Variants in DOCK8 observed in about 807,000 individuals in gnomAD.
DOCK8 encodes the protein dedicator of cytokinesis 8.
Under a neutral mutation model 245.6 loss-of-function variants are expected in DOCK8, and 141 were observed. The observed-to-expected ratio is 0.57, with a 90% confidence interval of 0.50 to 0.66. DOCK8 has a LOEUF of 0.66. Ranked by LOEUF, DOCK8 falls within the 30% of genes least tolerant of loss-of-function variation. The pLI is 0.00. For missense variants in DOCK8, 2,965 were observed against 2,603.4 expected, an observed-to-expected ratio of 1.14 and a Z score of -3.02; for synonymous variants, 1,168 against 970.2, an observed-to-expected ratio of 1.20 and a Z score of -3.79.
chr9:250,598 A>G (rs995738044), intron 1 of DOCK8, among the ~76,000 whole-genome samples: 1 of 152,164 alleles, frequency 6.6e-6, no homozygotes, highest in Non-Finnish European at 1.5e-5. Flanking sequence ...AACCTTCCAC[A>G]CTCAATTCCA....
At chr9:401,060 ATTG>A (rs1331990692) in intron 26 of DOCK8, among the ~76,000 whole-genome samples, 53 of 63,492 alleles carry the variant, frequency 8.3e-4, no homozygotes, top group Non-Finnish European at 1.1e-3. Context: ...CACCATCATC[ATTG>A]TCACCATCAT....
chr9:229,519 G>A (rs955372938), intron 1 of DOCK8, among the ~76,000 whole-genome samples: 1 of 152,174 alleles, frequency 6.6e-6, no homozygotes, highest in Non-Finnish European at 1.5e-5. Flanking sequence ...TAAAGCAGCG[G>A]TTTGAGAGTA....
chr9:401,832 CTAAGGGAAGTCCTGA>C (rs929129319), intron 26 of DOCK8, among the ~76,000 whole-genome samples: 2 of 152,146 alleles, frequency 1.3e-5, no homozygotes, highest in Non-Finnish European at 2.9e-5. Flanking sequence ...GCAGTCTCAT[CTAAGGGAAGTCCTGA>C]TAAGGAAGCA....
chr9:337,397 G>C (rs1016263011), intron 12 of DOCK8, among the ~76,000 whole-genome samples: 1 of 152,174 alleles, frequency 6.6e-6, no homozygotes, highest in African/African-American at 2.4e-5. Context: ...CTGAGAGAAG[G>C]GTTAGGTTTT....
intron 1 of DOCK8, among the ~76,000 whole-genome samples, chr9:225,672 A>G (rs898052860): frequency 6.6e-6 from 1 of 152,236 alleles, no homozygotes; most frequent in African/African-American, 2.4e-5. Flanking sequence ...TATTCTAAAA[A>G]AAGTAATATA....
rs115790888 is a variant in DOCK8 at position 405,849 on chromosome 9, G to T, written c.3390+776G>T. Among the ~76,000 whole-genome samples the T allele has an allele frequency of 8.6e-3, 1,307 of 152,306 alleles. 26 individuals are homozygous for T. The highest frequency in any genetic ancestry group is 0.029 in the African/African-American group (1,195 of 41,558). On this transcript the variant is annotated intron_variant, in intron 27 of 47. Transcript: ENST00000432829. ...CTACATGACCATCTTACTGTGAACA[G>T]GGAAAGATCTGACTCACAAGCAGCA...
At chr9:385,645 T>C (rs537993598) in intron 22 of DOCK8, among the ~76,000 whole-genome samples, 80 of 152,270 alleles carry the variant, frequency 5.3e-4, no homozygotes, top group Non-Finnish European at 8.1e-4. Context: ...GGCACAAAAA[T>C]TGGCAAATGC....
At chr9:260,605 A>G (rs1006113814) in intron 1 of DOCK8, among the ~76,000 whole-genome samples, 2 of 152,222 alleles carry the variant, frequency 1.3e-5, no homozygotes, top group Non-Finnish European at 2.9e-5. Context: ...ATATTTATAC[A>G]TGTATGAGTT....
intron 1 of DOCK8, among the ~76,000 whole-genome samples, chr9:247,143 C>T (rs566761674): frequency 1.3e-5 from 2 of 152,248 alleles, no homozygotes; most frequent in Non-Finnish European, 2.9e-5. Flanking sequence ...AAACATTTAC[C>T]ACTTACAGCT....
intron 22 of DOCK8, among the ~76,000 whole-genome samples, chr9:383,023 G>T (rs147977787): frequency 2.6e-5 from 4 of 152,024 alleles, no homozygotes; most frequent in African/African-American, 7.3e-5. Context: ...TACCTGGAAA[G>T]GTTGCCTTTA....
At chr9:333,326 G>T (rs1467082690) in intron 10 of DOCK8, among the ~76,000 whole-genome samples, 1 of 152,236 alleles carries the variant, frequency 6.6e-6, no homozygotes, top group African/African-American at 2.4e-5. Flanking sequence ...CCTTGGCCGG[G>T]CGTGGTGGCT....
intron 10 of DOCK8, among the ~76,000 whole-genome samples, chr9:333,885 C>G (rs2051174439): frequency 6.6e-6 from 1 of 152,116 alleles, no homozygotes; most frequent in African/African-American, 2.4e-5. Context: ...TTTCAAGATT[C>G]TTTTATGCAA....
chr9:426,038 C>T (rs2056487215), intron 33 of DOCK8, among the ~76,000 whole-genome samples: 1 of 152,122 alleles, frequency 6.6e-6, no homozygotes, highest in Non-Finnish European at 1.5e-5. Context: ...CCCATGGTAA[C>T]ATCTTGGCTA....
At chr9:349,162 G>C (rs1215755547) in intron 14 of DOCK8, among the ~76,000 whole-genome samples, 2 of 152,210 alleles carry the variant, frequency 1.3e-5, no homozygotes, top group East Asian at 3.8e-4. Flanking sequence ...AAACAGAGCT[G>C]TGAGTAGTTG....
chr9:355,215 TTTTTTTTGAGACA>T (rs2052374677), intron 14 of DOCK8, among the ~76,000 whole-genome samples: 1 of 143,946 alleles, frequency 6.9e-6, no homozygotes, highest in Non-Finnish European at 1.5e-5. Context: ...TTTTTTTTTT[TTTTTTTTGAGACA>T]GAGTCTCGCT....
At chr9:318,587 C>T (rs940442330) in intron 7 of DOCK8, among the ~76,000 whole-genome samples, 10 of 152,328 alleles carry the variant, frequency 6.6e-5, no homozygotes, top group African/African-American at 2.4e-4. Context: ...AGTCTCCTCC[C>T]GCTGGCCAGT....
upstream of DOCK8, chr9:214,837 G>A: frequency 1.9e-6 from 3 of 1,600,676 alleles, no homozygotes; most frequent in Non-Finnish European, 2.6e-6. Context: ...CTTAGAAGGT[G>A]GAAATGCGGA....
upstream of DOCK8, chr9:213,186 C>T (rs924752746): frequency 2.6e-5 from 4 of 152,082 alleles, no homozygotes; most frequent in African/African-American, 7.3e-5. Context: ...TGAACTTTGT[C>T]TTATATGCTT....
intron 1 of DOCK8, among the ~76,000 whole-genome samples, chr9:240,114 T>A (rs1006013029): frequency 6.6e-6 from 1 of 152,246 alleles, no homozygotes; most frequent in African/African-American, 2.4e-5. Context: ...TGCAAGGTTT[T>A]GTGTGGCATC....
Sources: allele counts gnomAD v4.1 joint callset (sites outside exome capture counted in the v4.1 genomes callset), GRCh38; gene constraint gnomAD v4.1.1; transcripts MANE v1.5; gene names NCBI Gene and HGNC (gene_info 2026-07-23, HGNC 2026-07-21).